The following CACNA1C variants were observed in gnomAD, a reference collection of about 807,000 sequenced individuals.
CACNA1C encodes voltage-dependent L-type calcium channel subunit alpha-1C.
Under a neutral mutation model 229.0 loss-of-function variants are expected in CACNA1C, and 30 were observed. That is an observed-to-expected ratio of 0.13 (90% CI 0.10 to 0.18). The LOEUF is 0.18. Ranked by LOEUF, CACNA1C falls within the 10% of genes least tolerant of loss-of-function variation. CACNA1C has a pLI of 1.00. For missense variants in CACNA1C, 1,658 were observed against 2,845.0 expected, an observed-to-expected ratio of 0.58 and a Z score of 9.49; for synonymous variants, 1,114 against 1,132.5, an observed-to-expected ratio of 0.98 and a Z score of 0.33.
chr12:2,455,422 T>C (rs2099411511), intron 4 of CACNA1C, among the ~76,000 whole-genome samples: 1 of 152,222 alleles, frequency 6.6e-6, no homozygotes, highest in African/African-American at 2.4e-5. Flanking sequence ...TCATGAATGA[T>C]TTTTTATATT....
intron 3 of CACNA1C, among the ~76,000 whole-genome samples, chr12:2,383,873 A>G (rs1023224448): frequency 2.0e-5 from 3 of 152,224 alleles, no homozygotes; most frequent in Non-Finnish European, 4.4e-5. Context: ...TCCTCCTTTA[A>G]TCATTTCAGA....
intron 1 of CACNA1C, chr12:2,004,390 G>A: frequency 6.2e-7 from 1 of 1,612,520 alleles, no homozygotes; most frequent in Non-Finnish European, 8.5e-7. Context: ...GGCTGATGTC[G>A]CGCCCCTTTC....
intron 3 of CACNA1C, among the ~76,000 whole-genome samples, chr12:2,211,714 CTTTTTT>C (rs5795996): frequency 8.7e-6 from 1 of 115,510 alleles, no homozygotes; most frequent in Non-Finnish European, 1.7e-5. Flanking sequence ...CTTTCTGCTG[CTTTTTT>C]TTTTTTTTTT....
At position 2,011,835 on chromosome 12, in the gene CACNA1C, C is replaced by T. The variant is rs562593819; in HGVS notation, c.139+40634C>T. 2.7e-4 allele frequency among the ~76,000 whole-genome samples: 41 copies of T among 152,318 alleles called. No homozygotes were observed. In the South Asian group the frequency reaches 8.3e-3, roughly 31 times the overall value. Reference sequence around the variant, plus strand: ...GGGAGAAAGGAATGTTTCCCCTTGCCATCCTGTAGGTGGCTTCCTGCCAGG... The same window carrying T: ...GGGAGAAAGGAATGTTTCCCCTTGCTATCCTGTAGGTGGCTTCCTGCCAGG... On this transcript the variant is annotated intron_variant, in intron 1 of 46. Coordinates refer to the CACNA1C transcript ENST00000682462.
intron 30 of CACNA1C, among the ~76,000 whole-genome samples, chr12:2,641,220 AC>A (rs2093656762): frequency 6.6e-6 from 1 of 152,190 alleles, no homozygotes; most frequent in African/African-American, 2.4e-5. Context: ...CCTCAAAGGT[AC>A]CTTGAGCACC....
At chr12:2,013,364 C>A (rs935708221) in intron 1 of CACNA1C, among the ~76,000 whole-genome samples, 3 of 152,148 alleles carry the variant, frequency 2.0e-5, no homozygotes, top group African/African-American at 7.2e-5. Context: ...TTATATCCTG[C>A]ACAAAAGAGT....
intron 1 of CACNA1C, among the ~76,000 whole-genome samples, chr12:1,978,541 C>A (rs907566864): frequency 6.6e-6 from 1 of 152,130 alleles, no homozygotes; most frequent in Non-Finnish European, 1.5e-5. Flanking sequence ...ATTGAAGAAT[C>A]ATTTATGTAC....
chr12:2,566,932 TC>T lies in CACNA1C; in HGVS notation c.1669+352del, dbSNP rs1241604727. On this transcript the variant is annotated intron_variant, in intron 12 of 46. Transcript: ENST00000399655. This position sits in a 1 kb window ranked among gnomAD's most constrained non-coding sequence, Gnocchi z 4.0. The stretch of plus-strand genomic sequence containing the variant: ...ATGGATTTTAAATACCTGGGGGCCT[TC>T]CTACAGCCCTGAGGTGGCCTTAACC... 6.6e-6 allele frequency among the ~76,000 whole-genome samples: 1 copy of T among 152,174 alleles called. No individual in the cohort carries two copies. The highest frequency in any genetic ancestry group is 1.5e-5 in the Non-Finnish European group (1 of 68,034).
At chr12:2,216,352 C>G (rs1473919476) in intron 3 of CACNA1C, among the ~76,000 whole-genome samples, 2 of 152,156 alleles carry the variant, frequency 1.3e-5, no homozygotes, top group Non-Finnish European at 2.9e-5. Flanking sequence ...ACTGCTTACT[C>G]ATATCAACAT....
intron 9 of CACNA1C, among the ~76,000 whole-genome samples, chr12:2,535,536 TAAA>T (rs57441915): frequency 7.2e-6 from 1 of 138,382 alleles, no homozygotes; most frequent in African/African-American, 2.6e-5. Context: ...CCATCTCTAT[TAAA>T]AAAAAAAAAC....
chr12:2,251,028 T>C (rs2075397188), intron 3 of CACNA1C, among the ~76,000 whole-genome samples: 1 of 152,192 alleles, frequency 6.6e-6, no homozygotes, highest in Non-Finnish European at 1.5e-5. Context: ...GTGTTCTGCG[T>C]TGGCTCAGCC....
At chr12:2,477,705 G>A (rs2099637491) in intron 5 of CACNA1C, among the ~76,000 whole-genome samples, 1 of 152,140 alleles carries the variant, frequency 6.6e-6, no homozygotes, top group East Asian at 1.9e-4. Context: ...CATTGTCACA[G>A]CCTCTCCGAG....
chr12:2,046,555 G>A lies in CACNA1C; in HGVS notation c.140-68669G>A, dbSNP rs192074882. The stretch of plus-strand genomic sequence containing the variant: ...CACATGGTAGATGAATTCTCCCACC[G>A]GGAGAGCCAGTCCCCAGGATCAGGC... On this transcript the variant is annotated intron_variant, in intron 1 of 46. Transcript: ENST00000682462. 2.7e-3 allele frequency among the ~76,000 whole-genome samples: 418 copies of A among 152,220 alleles called. 1 individual carries two copies. Among genetic ancestry groups the A allele is most frequent in the African/African-American group, 9.8e-3 (405 of 41,536 alleles).
chr12:2,496,191 G>A (rs556686141), intron 7 of CACNA1C, among the ~76,000 whole-genome samples: 1 of 152,312 alleles, frequency 6.6e-6, no homozygotes, highest in Non-Finnish European at 1.5e-5. Flanking sequence ...TTTCCAGGCT[G>A]GAGTTTGAAA....
chr12:2,065,720 T>C (rs915783195), intron 1 of CACNA1C, among the ~76,000 whole-genome samples: 2 of 152,160 alleles, frequency 1.3e-5, no homozygotes, highest in African/African-American at 2.4e-5. Flanking sequence ...AAGTGTTATA[T>C]GGAGGTTGTG....
In CACNA1C at chr12:2,597,618, A is replaced by G. The variant is rs536377791; in HGVS notation, c.2853+329A>G. 17 of 763,760 alleles carry G rather than the reference A, an allele frequency of 2.2e-5. No homozygotes were observed. In the East Asian group the frequency reaches 4.5e-4, roughly 20 times the overall value. 47.3% of individuals were successfully genotyped at this position (763,760 alleles called of 1,614,324 possible). Reference sequence around the variant, plus strand: ...TCTTTTCTTTACTCCCAAGCCTGAAATTGGAAAAATGAGTGCCCCTCACTT... The same window carrying G: ...TCTTTTCTTTACTCCCAAGCCTGAAGTTGGAAAAATGAGTGCCCCTCACTT... On this transcript the variant is annotated intron_variant, in intron 21 of 46. Transcript: ENST00000399655. This position sits in a 1 kb window ranked among gnomAD's most constrained non-coding sequence, Gnocchi z 4.3.
In CACNA1C at chr12:2,685,787, C is replaced by A. The variant is rs1312646230; in HGVS notation, c.5625C>A (p.Asp1875Glu). ...GGCAACTGACGCTCCCAGAGGAGGA[C>A]AAGAGGGACATCCGGCAATCTCCGA... ...ENRQLTLPEE[D>E]KRDIRQSPKR... Residue 1875 changes from aspartate (D) to glutamate (E), a missense_variant, in exon 44 of 47, where the codon GAC becomes GAA. Physicochemically the swap from Asp to Glu is conservative, Grantham distance 45. Transcript: ENST00000399655. 3 of 1,613,726 alleles carry A rather than the reference C, an allele frequency of 1.9e-6. No individual in the cohort carries two copies. The highest frequency in any genetic ancestry group is 2.5e-6 in the Non-Finnish European group (3 of 1,179,666).
rs190973281 is a variant in CACNA1C at position 2,173,976 on chromosome 12, C to G, written c.477+53546C>G. 4.9e-3 allele frequency among the ~76,000 whole-genome samples: 744 copies of G among 152,098 alleles called. 3 individuals are homozygous for G. Among genetic ancestry groups the G allele is most frequent in the Middle Eastern group, 0.021 (6 of 292 alleles). ...GGCCTGGAATTTAAGAAAAATTAGC[C>G]CCCTTCCCCCTTAGAATCAGCAGCA... On this transcript the variant is annotated intron_variant, in intron 3 of 46. Coordinates refer to ENST00000399655, the MANE Select transcript of CACNA1C (RefSeq NM_000719.7).
chr12:2,235,367 C>T (rs1199227392), intron 3 of CACNA1C, among the ~76,000 whole-genome samples: 3 of 152,230 alleles, frequency 2.0e-5, no homozygotes, highest in Non-Finnish European at 4.4e-5. Context: ...CTCCCCTCTG[C>T]ACCCAGCTCA....
Sources: gnomAD v4.1 joint callset for allele counts (sites outside exome capture counted in the v4.1 genomes callset) on GRCh38, gnomAD v4.1.1 for gene constraint, Gnocchi (gnomAD v3.1) non-coding constraint, MANE v1.5 for transcripts, NCBI Gene and HGNC (gene_info 2026-07-23, HGNC 2026-07-21) for gene names.